ESRRG: variants seen among roughly 807,000 people sequenced by gnomAD.
ESRRG encodes the protein estrogen-related receptor gamma.
Under a neutral mutation model 44.0 loss-of-function variants are expected in ESRRG, and 13 were observed. That is an observed-to-expected ratio of 0.30 (90% CI 0.19 to 0.47). The LOEUF is 0.47. Among genes scored for constraint, ESRRG ranks in the 20% least tolerant of loss-of-function variants. The probability of loss-of-function intolerance (pLI) is 1.00; values close to 1 mark genes in which losing one functional copy is unlikely to be tolerated. For synonymous variants in ESRRG, 215 were observed against 214.6 expected (o/e 1.00, Z -0.02); for missense variants, 395 against 580.6 (o/e 0.68, Z 3.29).
chr1:216,871,135 C>T (rs1177779112), intron 2 of ESRRG, among the ~76,000 whole-genome samples: 4 of 151,874 alleles, frequency 2.6e-5, no homozygotes, highest in Non-Finnish European at 4.4e-5. Flanking sequence ...TATAAGCTTT[C>T]CCTGTAAGCA....
chr1:216,694,808 C>T (rs1330690591), intron 1 of ESRRG, among the ~76,000 whole-genome samples: 1 of 152,140 alleles, frequency 6.6e-6, no homozygotes, highest in Non-Finnish European at 1.5e-5. Flanking sequence ...CCACCCACCT[C>T]GGTCTCTCCC....
intron 1 of ESRRG, among the ~76,000 whole-genome samples, chr1:216,962,484 G>T (rs1400151508): frequency 1.3e-5 from 2 of 152,168 alleles, no homozygotes; most frequent in African/African-American, 2.4e-5. Context: ...AACATTTCAG[G>T]CTACAAATTT....
intron 5 of ESRRG, among the ~76,000 whole-genome samples, chr1:216,524,149 T>C (rs1572241499): frequency 6.7e-6 from 1 of 148,434 alleles, no homozygotes; most frequent in Non-Finnish European, 1.5e-5. Flanking sequence ...TTTTCACATA[T>C]GGGGCAGACA....
chr1:216,537,131 T>C (rs2051215492), intron 5 of ESRRG, among the ~76,000 whole-genome samples: 8 of 151,870 alleles, frequency 5.3e-5, no homozygotes, highest in Admixed American at 5.3e-4. Flanking sequence ...GGTATGACAT[T>C]AGGAAGGAGG....
intron 2 of ESRRG, among the ~76,000 whole-genome samples, chr1:216,933,313 G>A (rs1249605048): frequency 1.3e-5 from 2 of 152,090 alleles, no homozygotes; most frequent in Non-Finnish European, 2.9e-5. Context: ...ATGAGATGGA[G>A]CCACTTTTCT....
intron 4 of ESRRG, among the ~76,000 whole-genome samples, 181 bp downstream of exon 4, chr1:216,567,807 G>A (rs1353158065): frequency 1.3e-5 from 2 of 152,164 alleles, no homozygotes; most frequent in Non-Finnish European, 1.5e-5. Flanking sequence ...AAGAAAAAAT[G>A]AGATAATAAG....
intron 3 of ESRRG, among the ~76,000 whole-genome samples, chr1:216,619,329 C>T (rs1301734072): frequency 6.6e-6 from 1 of 152,120 alleles, no homozygotes; most frequent in Non-Finnish European, 1.5e-5. Context: ...AGAAGTCTAT[C>T]TAAATAGGCA....
At chr1:217,135,750 G>C (rs1448399056) in intron 1 of ESRRG, among the ~76,000 whole-genome samples, 1 of 152,190 alleles carries the variant, frequency 6.6e-6, no homozygotes, top group African/African-American at 2.4e-5. Flanking sequence ...AACAAATCAC[G>C]GGACACGACG....
intron 2 of ESRRG, among the ~76,000 whole-genome samples, chr1:216,751,223 G>GT (rs1362413538): frequency 6.6e-6 from 1 of 152,046 alleles, no homozygotes; most frequent in Non-Finnish European, 1.5e-5. Context: ...GAAGTTCTTT[G>GT]GAAACTATGA....
intron 1 of ESRRG, among the ~76,000 whole-genome samples, chr1:217,010,560 T>C (rs944435229): frequency 6.6e-6 from 1 of 152,188 alleles, no homozygotes; most frequent in Admixed American, 6.5e-5. Context: ...TCTGTTCAAA[T>C]GAATTCTCCC....
intron 1 of ESRRG, among the ~76,000 whole-genome samples, chr1:217,054,934 G>A (rs952684515): frequency 2.0e-5 from 3 of 152,154 alleles, no homozygotes; most frequent in Non-Finnish European, 4.4e-5. Context: ...GGTTGTGATT[G>A]TAGCACATTA....
At chr1:216,709,760 T>C (rs1031481422) in intron 1 of ESRRG, among the ~76,000 whole-genome samples, 27 of 152,184 alleles carry the variant, frequency 1.8e-4, no homozygotes, top group African/African-American at 6.3e-4. Context: ...TTATTTGTGG[T>C]TTGCCGACCT....
chr1:216,989,420 T>C (rs1579129543), intron 1 of ESRRG, among the ~76,000 whole-genome samples: 1 of 125,146 alleles, frequency 8.0e-6, no homozygotes, highest in Non-Finnish European at 1.6e-5. Context: ...TGGTAGAGAC[T>C]CTGTCTCAAA....
intron 2 of ESRRG, among the ~76,000 whole-genome samples, chr1:216,916,767 C>T (rs1039791749): frequency 3.4e-5 from 5 of 147,216 alleles, no homozygotes; most frequent in African/African-American, 1.3e-4. Flanking sequence ...TGAGCAAACA[C>T]AGTGAGAAAA....
intron 2 of ESRRG, among the ~76,000 whole-genome samples, chr1:216,751,382 C>A (rs142811303): frequency 1.0e-3 from 155 of 152,270 alleles, no homozygotes; most frequent in African/African-American, 3.5e-3. Context: ...TTACCATATT[C>A]ATCATACTTC....
intron 2 of ESRRG, among the ~76,000 whole-genome samples, chr1:216,737,779 A>T (rs992116689): frequency 6.9e-5 from 2 of 28,816 alleles, no homozygotes; most frequent in South Asian, 1.1e-3. Context: ...GAAGGGATTA[A>T]AAAAAAAAAA....
chr1:216,762,882 C>T (rs1486370364), intron 2 of ESRRG, among the ~76,000 whole-genome samples: 2 of 151,958 alleles, frequency 1.3e-5, no homozygotes, highest in African/African-American at 4.8e-5. Flanking sequence ...CTTACACAAA[C>T]AAATCCCTGG....
chr1:216,855,940 T>C (rs2095928664), intron 2 of ESRRG, among the ~76,000 whole-genome samples: 2 of 152,178 alleles, frequency 1.3e-5, no homozygotes, highest in Admixed American at 1.3e-4. Context: ...TGCTGAATAA[T>C]GATGAGGTGC....
chr1:216,737,995 CTTTTTTTTTTT>C (rs144453643), intron 2 of ESRRG, among the ~76,000 whole-genome samples: 3 of 119,640 alleles, frequency 2.5e-5, no homozygotes, highest in African/African-American at 9.3e-5. Context: ...TGAGACATCA[CTTTTTTTTTTT>C]TTTTTTTTTT....
Sources: gnomAD v4.1 joint callset for allele counts (sites outside exome capture counted in the v4.1 genomes callset) on GRCh38, gnomAD v4.1.1 for gene constraint, MANE v1.5 for transcripts, NCBI Gene and HGNC (gene_info 2026-07-23, HGNC 2026-07-21) for gene names.